LAMA5: variants seen among roughly 807,000 people sequenced by gnomAD.
The protein encoded by LAMA5 is laminin subunit alpha 5, also known as laminin subunit alpha-5.
LAMA5 carries 260 observed loss-of-function variants against 433.4 expected under a neutral mutation model. The observed-to-expected ratio is 0.60, with a 90% CI of 0.54 to 0.66. LAMA5 has a LOEUF of 0.66. Among genes scored for constraint, LAMA5 ranks in the 30% least tolerant of loss-of-function variants. LAMA5 has a pLI of 0.00. For missense variants in LAMA5, 5,378 were observed against 5,258.5 expected, an observed-to-expected ratio of 1.02 and a Z score of -0.70; for synonymous variants, 2,620 against 2,226.6, an observed-to-expected ratio of 1.18 and a Z score of -4.97.
At position 62,312,665 on chromosome 20, in the gene LAMA5, A is replaced by G; in HGVS notation, c.9194T>C (p.Leu3065Pro). ...NDLELADAYY[L>P]GGVPPDQLPP... ...CAGCTGGTCGGGCGGCACGCCCCCC[A>G]GGTAGTAGGCGTCGGCCAGCTCCAG... Residue 3065 changes from leucine to proline, a missense_variant, in exon 67 of 80, where the codon CTG becomes CCG. Leu to Pro is a moderately conservative substitution (Grantham distance 98, BLOSUM62 -3). Transcript: ENST00000252999. 1 of 1,607,754 alleles carries G rather than the reference A, an allele frequency of 6.2e-7. No homozygotes were observed. The highest frequency in any genetic ancestry group is 8.5e-7 in the Non-Finnish European group (1 of 1,177,948).
chr20:62,328,808 C>A, intron 34 of LAMA5, 36 bp downstream of exon 34: 6 of 1,593,538 alleles, frequency 3.8e-6, no homozygotes, highest in Non-Finnish European at 5.1e-6. Flanking sequence ...GGCACCAACT[C>A]CCTGCCACTG....
At chr20:62,337,991 C>T (rs781062857) in intron 14 of LAMA5, 25 bp downstream of exon 14, 494 of 1,595,144 alleles carry the variant, frequency 3.1e-4, no homozygotes, top group Non-Finnish European at 3.9e-4. Flanking sequence ...GGCAGAACCC[C>T]TTCCTGCCCT....
intron 11 of LAMA5, 160 bp downstream of exon 11, chr20:62,345,658 G>A (rs562045122): frequency 5.1e-5 from 33 of 646,304 alleles, no homozygotes; most frequent in Non-Finnish European, 7.1e-5. Flanking sequence ...CTATATTTCC[G>A]AAGGTTTTCC....
Position 62,328,331 on chromosome 20 carries a change from G to C in LAMA5, c.4562C>G (p.Pro1521Arg). Residue 1521 changes from proline (P) to arginine (R), a missense_variant, in exon 35 of 80, where the codon CCC becomes CGC. Physicochemically the swap from Pro to Arg is moderately radical, Grantham distance 103 (BLOSUM62 -2). Coordinates refer to ENST00000252999, the MANE Select transcript of LAMA5 (RefSeq NM_005560.6). ...GTTACACTCCTCACAGCCGACCAGGGGGTGGCAGCCAAAGGTCTGGGGCTG... is the reference window on the plus strand; with the variant it reads ...GTTACACTCCTCACAGCCGACCAGGCGGTGGCAGCCAAAGGTCTGGGGCTG... ...LCQPQTFGCHPLVGCEECNCS... is the reference protein window; with the variant it reads ...LCQPQTFGCHRLVGCEECNCS... The C allele has an allele frequency of 6.2e-7, 1 of 1,602,806 alleles. No homozygotes were observed. The highest frequency in any genetic ancestry group is 8.5e-7 in the Non-Finnish European group (1 of 1,175,394).
intron 2 of LAMA5, among the ~76,000 whole-genome samples, chr20:62,357,312 C>A (rs535831304): frequency 6.6e-6 from 1 of 152,324 alleles, no homozygotes; most frequent in South Asian, 2.1e-4. Context: ...ATTCCCGGGG[C>A]AGGAAAAGCC....
chr20:62,328,539 CG>C, intron 34 of LAMA5, 94 bp from the exon 35 acceptor site: 2 of 1,297,948 alleles, frequency 1.5e-6, no homozygotes, highest in Non-Finnish European at 2.1e-6. Context: ...GGCAGTGTGA[CG>C]GGGGCGGGGG....
chr20:62,332,145 G>A (rs1343651058), intron 28 of LAMA5, among the ~76,000 whole-genome samples: 1 of 152,198 alleles, frequency 6.6e-6, no homozygotes, highest in East Asian at 1.9e-4. Flanking sequence ...AGCTGTGACT[G>A]CAGGTGCTTT....
chr20:62,320,638 T>C lies in LAMA5; in HGVS notation c.6680A>G (p.His2227Arg), dbSNP rs752192693. The C allele has an allele frequency of 2.5e-6, 4 of 1,609,512 alleles. No homozygotes were observed. Among genetic ancestry groups the C allele is most frequent in the East Asian group, 2.2e-5 (1 of 44,790 alleles). ...CACCTCCAGCTGCTGTGCCGTCTCATGGCGGGGGCCCAGGGGGCTCCGGAG... is the reference window on the plus strand; with the variant it reads ...CACCTCCAGCTGCTGTGCCGTCTCACGGCGGGGGCCCAGGGGGCTCCGGAG... The part of the protein sequence containing the change: ...SQLRSPLGPR[H>R]ETAQQLEVLE... Residue 2227 changes from histidine (H) to arginine (R), a missense_variant, in exon 50 of 80, where the codon CAT becomes CGT. His to Arg is a conservative substitution (Grantham distance 29). Coordinates refer to ENST00000252999, the MANE Select transcript of LAMA5 (RefSeq NM_005560.6).
At chr20:62,346,847 G>A (rs1983464266) in intron 7 of LAMA5, 47 bp from the exon 8 acceptor site, 2 of 1,606,806 alleles carry the variant, frequency 1.2e-6, no homozygotes, top group South Asian at 1.1e-5. Context: ...CACAGGCCCG[G>A]GCACCGGGGC....
At position 62,328,287 on chromosome 20, in the gene LAMA5, G is replaced by A. The variant is rs757394342; in HGVS notation, c.4606C>T (p.Gln1536Ter). 6.2e-7 allele frequency: 1 copy of A among 1,608,326 alleles called. No homozygotes were observed. Among genetic ancestry groups the A allele is most frequent in the East Asian group, 2.2e-5 (1 of 44,746 alleles). ...TCACAGGTAGGGTCTGTGAGCTCCT[G>A]GATGCCGGGCCCTGAGCAGTTACAC... is the stretch of plus-strand genomic sequence containing the variant. Reference protein sequence around the residue: ...EECNCSGPGIQELTDPTCDTD... With the variant: ...EECNCSGPGI The change falls in exon 35 of 80, where the codon CAG becomes TAG. Residue 1536 changes from glutamine (Q) to a stop codon, truncating the protein, a stop_gained. Transcript: ENST00000252999. LOFTEE classifies it high-confidence loss of function.
rs1396999890 is a variant in LAMA5 at position 62,311,533 on chromosome 20, G to A, written c.9810C>T (p.Leu3270=). The A allele has an allele frequency of 1.2e-6, 2 of 1,609,758 alleles. No individual in the cohort carries two copies. The highest frequency in any genetic ancestry group is 8.5e-7 in the Non-Finnish European group (1 of 1,177,960). ...GCISNVFVQR[L]LGPQRVFDLQ... ...GATCAAATACGCGCTGTGGGCCCAG[G>A]AGCCTGTGCAGGGCGGGCAGGCGGT... is the stretch of plus-strand genomic sequence containing the variant. The change falls in exon 72 of 80, where the codon CTC becomes CTT. Residue 3270 remains leucine (L), a synonymous_variant. Transcript: ENST00000252999.
rs892507569 is a variant in LAMA5 at position 62,346,552 on chromosome 20, G to A, written c.1236C>T (p.Phe412=). 1.3e-6 allele frequency: 2 copies of A among 1,561,928 alleles called. No homozygotes were observed. Among genetic ancestry groups the A allele is most frequent in the African/African-American group, 2.7e-5 (2 of 73,504 alleles). Residue 412 remains phenylalanine, a synonymous_variant, in exon 9 of 80, where the codon TTC becomes TTT. Transcript: ENST00000252999. Reference sequence around the variant, plus strand: ...CGAGAGGGTGGTTGGGAGAGCGGTAGAAGCCGGGCAGGCAGCGCTCACAGT... The same window carrying A: ...CGAGAGGGTGGTTGGGAGAGCGGTAAAAGCCGGGCAGGCAGCGCTCACAGT... ...GVNCERCLPG[F]YRSPNHPLDS...
chr20:62,332,361 G>A lies in LAMA5; in HGVS notation c.3552+11C>T. 6.3e-7 allele frequency: 1 copy of A among 1,585,354 alleles called. No individual in the cohort carries two copies. Among genetic ancestry groups the A allele is most frequent in the African/African-American group, 1.3e-5 (1 of 74,714 alleles). On this transcript the variant is annotated intron_variant, in intron 28 of 79. Coordinates refer to ENST00000252999, the MANE Select transcript of LAMA5 (RefSeq NM_005560.6). ...CTGACCCCTTGGGGTGGGGACCTGA[G>A]GGGTCCTTACCAGGAAGAAGCGTGC...
chr20:62,363,541 G>A (rs1230782167), intron 1 of LAMA5, among the ~76,000 whole-genome samples: 3 of 152,122 alleles, frequency 2.0e-5, no homozygotes, highest in Non-Finnish European at 4.4e-5. Context: ...GCTGGGAGCC[G>A]GGGCAGGGAT....
rs115669640 is a variant in LAMA5 at position 62,329,284 on chromosome 20, G to A, written c.4120-31C>T. On this transcript the variant is annotated intron_variant, in intron 32 of 79. Transcript: ENST00000252999. ...GGGTGAGGCCTGGTCACTCTCCCGC[G>A]GGCCCAGAGCCTGCAGCGGGGAGGC... The A allele has an allele frequency of 2.8e-3, 4,251 of 1,535,262 alleles. 106 individuals are homozygous for A. The African/African-American group carries it at 0.048, about 17-fold the overall frequency.
chr20:62,333,635 C>A lies in LAMA5; in HGVS notation c.2950G>T (p.Gly984Cys). ...EPAFITVPQR[G>C]FGEPFVLNPG... Reference sequence around the variant, plus strand: ...TTCAGCACAAAGGGCTCTCCGAAGCCCCTCTGGGGCACGGTGATGAAGGCA... The same window carrying A: ...TTCAGCACAAAGGGCTCTCCGAAGCACCTCTGGGGCACGGTGATGAAGGCA... Residue 984 changes from glycine to cysteine, a missense_variant, in exon 24 of 80, where the codon GGC (glycine) becomes TGC (cysteine). By Grantham distance (159) the Gly-to-Cys change is radical. Transcript: ENST00000252999. 6.3e-7 allele frequency: 1 copy of A among 1,587,586 alleles called. No individual in the cohort carries two copies. The highest frequency in any genetic ancestry group is 8.6e-7 in the Non-Finnish European group (1 of 1,168,224).
rs1308712376 is a variant in LAMA5, at chr20:62,354,651, GGGGGCGGT to G, written c.451-1408_451-1401del. ...AGGGGGGGTCCCGAGGCACACAGGA[GGGGGCGGT>G]GCCCAAGCAGCACCCCGCCTTCACA... On this transcript the variant is annotated intron_variant, in intron 2 of 79. Coordinates refer to ENST00000252999, the MANE Select transcript of LAMA5 (RefSeq NM_005560.6). Among the ~76,000 whole-genome samples the G allele has an allele frequency of 4.6e-5, 7 of 152,258 alleles. No homozygotes were observed. The East Asian group carries it at 1.4e-3, about 30-fold the overall frequency.
In LAMA5 at chr20:62,318,508, T is replaced by C. The variant is rs200996127; in HGVS notation, c.7185A>G (p.Thr2395=). Residue 2395 remains threonine (T), a synonymous_variant, in exon 53 of 80, where the codon ACA becomes ACG. Transcript: ENST00000252999. The part of the protein sequence containing the change: ...REALNRAVDA[T]REAQELNSRN... ...GGCTGTTGAGCTCCTGGGCCTCCCG[T>C]GTGGCGTCCACTGCCCGGTTCAAAG... The C allele has an allele frequency of 2.6e-4, 416 of 1,609,052 alleles. 5 individuals carry two copies. In the East Asian group the frequency reaches 5.4e-3, roughly 21 times the overall value.
intron 28 of LAMA5, among the ~76,000 whole-genome samples, chr20:62,331,948 A>C (rs1438381588): frequency 6.6e-6 from 1 of 152,036 alleles, no homozygotes; most frequent in Non-Finnish European, 1.5e-5. Flanking sequence ...GGTACTTGGG[A>C]GACTGAGGCA....
Sources: gnomAD v4.1 joint callset for allele counts (sites outside exome capture counted in the v4.1 genomes callset) on GRCh38, gnomAD v4.1.1 for gene constraint, MANE v1.5 for transcripts, NCBI Gene and HGNC (gene_info 2026-07-23, HGNC 2026-07-21) for gene names.